The following TUSC3 variants were observed in gnomAD, a reference collection of about 807,000 sequenced individuals.
TUSC3 encodes dolichyl-diphosphooligosaccharide--protein glycosyltransferase subunit TUSC3.
In TUSC3, 45 loss-of-function variants were observed where a neutral mutation model predicts 44.8. The observed-to-expected ratio is 1.00, with a 90% CI of 0.79 to 1.29. The LOEUF (loss-of-function observed/expected upper bound fraction) is 1.29. Among genes scored for constraint, TUSC3 ranks in the 50% most tolerant of loss-of-function variants. The pLI is 0.00. For synonymous variants in TUSC3, 212 were observed against 152.9 expected (o/e 1.39, Z -2.85); for missense variants, 519 against 437.9 (o/e 1.19, Z -1.65).
At chr8:15,459,359 G>A (rs546548788) in intron 1 of TUSC3, among the ~76,000 whole-genome samples, 3 of 151,950 alleles carry the variant, frequency 2.0e-5, no homozygotes, top group Non-Finnish European at 4.4e-5. Context: ...GCTTAACTGT[G>A]ATTTGAAGAA....
intron 2 of TUSC3, among the ~76,000 whole-genome samples, chr8:15,504,055 G>A (rs998798441): frequency 4.0e-5 from 6 of 151,058 alleles, no homozygotes; most frequent in Admixed American, 1.3e-4. Context: ...AGAACACACC[G>A]TTTATTTATC....
At chr8:15,656,301 C>T (rs1807161701) in intron 3 of TUSC3, among the ~76,000 whole-genome samples, 1 of 152,082 alleles carries the variant, frequency 6.6e-6, no homozygotes. Context: ...AGATGAGACT[C>T]AGGACATGAT....
intron 6 of TUSC3, among the ~76,000 whole-genome samples, chr8:15,706,754 A>T (rs555163269): frequency 2.0e-5 from 3 of 152,046 alleles, no homozygotes; most frequent in African/African-American, 7.2e-5. Flanking sequence ...TGATTGTGCA[A>T]ATATGATCAC....
intron 1 of TUSC3, among the ~76,000 whole-genome samples, chr8:15,548,621 A>C (rs994162591): frequency 1.3e-5 from 2 of 151,856 alleles, no homozygotes; most frequent in African/African-American, 4.8e-5. Flanking sequence ...TTGCTCTCTC[A>C]ACTCCTTGCT....
chr8:15,742,882 A>T (rs964077459), intron 7 of TUSC3, among the ~76,000 whole-genome samples: 1 of 152,248 alleles, frequency 6.6e-6, no homozygotes, highest in Non-Finnish European at 1.5e-5. Flanking sequence ...TAATTCTGGC[A>T]TTATTCAACA....
intron 6 of TUSC3, among the ~76,000 whole-genome samples, chr8:15,675,937 T>G (rs541139143): frequency 6.6e-6 from 1 of 152,280 alleles, no homozygotes; most frequent in East Asian, 1.9e-4. Flanking sequence ...TTTATTTTCC[T>G]TTGGGTATAT....
intron 1 of TUSC3, among the ~76,000 whole-genome samples, chr8:15,438,062 G>T (rs748984587): frequency 6.6e-6 from 1 of 152,158 alleles, no homozygotes; most frequent in East Asian, 1.9e-4. Flanking sequence ...GTGAAATGAG[G>T]TTGTTGTGTT....
chr8:15,436,666 T>A (rs1343928904), intron 1 of TUSC3, among the ~76,000 whole-genome samples: 1 of 151,826 alleles, frequency 6.6e-6, no homozygotes, highest in African/African-American at 2.4e-5. Context: ...GAACAATAAG[T>A]AATTACCTGC....
Position 15,540,320 on chromosome 8 carries a change from C to G in TUSC3, c.-111C>G, listed in dbSNP as rs1479784219. The G allele has an allele frequency of 5.2e-6, 7 of 1,351,078 alleles. No individual in the cohort carries two copies. The highest frequency in any genetic ancestry group is 6.7e-6 in the Non-Finnish European group (7 of 1,049,706). The allele number at this position is 1,351,078 out of a possible 1,614,324, so 83.7% of individuals were successfully genotyped here. On this transcript the variant is annotated 5_prime_UTR_variant, in exon 1 of 11. In the 5' UTR this introduces an upstream ATG that the reference lacks. Coordinates refer to ENST00000503731, the MANE Select transcript of TUSC3 (RefSeq NM_006765.4). ...GGGTCCCTCGCAAAGCCGCTGCCAT[C>G]CCGGAGGGCCCAGCCAGCGGGCTCC...
intron 1 of TUSC3, among the ~76,000 whole-genome samples, chr8:15,442,933 C>A (rs893298973): frequency 5.3e-5 from 8 of 152,084 alleles, no homozygotes; most frequent in African/African-American, 1.9e-4. Flanking sequence ...TATCTAACTC[C>A]TCAATCTGCC....
intron 1 of TUSC3, among the ~76,000 whole-genome samples, chr8:15,620,002 C>T (rs1483694256): frequency 2.0e-5 from 3 of 152,190 alleles, no homozygotes; most frequent in Admixed American, 1.3e-4. Context: ...GTGGAGGTTG[C>T]GATTTGCTGA....
chr8:15,426,349 G>T (rs1725848767), intron 1 of TUSC3, among the ~76,000 whole-genome samples: 2 of 152,256 alleles, frequency 1.3e-5, no homozygotes, highest in Middle Eastern at 3.4e-3. Context: ...CTGATTTCTA[G>T]AACTTATTCA....
At chr8:15,723,095 T>C (rs1810364769) in intron 6 of TUSC3, among the ~76,000 whole-genome samples, 1 of 152,138 alleles carries the variant, frequency 6.6e-6, no homozygotes, top group African/African-American at 2.4e-5. Context: ...GCACACACTA[T>C]TTTGAAATTC....
At chr8:15,835,465 G>C in the TUSC3 span, among the ~76,000 whole-genome samples, 1 of 151,722 alleles carries the variant, frequency 6.6e-6, no homozygotes, top group Admixed American at 6.6e-5. Flanking sequence ...TTATTTGCTA[G>C]TTTGGTTTTT....
In TUSC3 at chr8:15,640,650, T is replaced by A. The variant is rs979350834; in HGVS notation, c.309-10047T>A. 2.6e-5 allele frequency among the ~76,000 whole-genome samples: 4 copies of A among 152,198 alleles called. No individual in the cohort carries two copies. In the East Asian group the frequency reaches 5.8e-4, roughly 22 times the overall value. ...AAAGAAACCTCATTTTATAAATTTG[T>A]GGCTTTTTGTCGTGGAACTGGATAC... is the stretch of plus-strand genomic sequence containing the variant. On this transcript the variant is annotated intron_variant, in intron 2 of 10. Coordinates refer to ENST00000503731, the MANE Select transcript of TUSC3 (RefSeq NM_006765.4).
At chr8:15,717,574 AT>A (rs1810105540) in intron 6 of TUSC3, among the ~76,000 whole-genome samples, 1 of 152,064 alleles carries the variant, frequency 6.6e-6, no homozygotes, top group South Asian at 2.1e-4. Context: ...CTGTTGCAGT[AT>A]TACGTACTTA....
intron 1 of TUSC3, among the ~76,000 whole-genome samples, chr8:15,566,426 T>C (rs1802674601): frequency 1.3e-5 from 2 of 152,122 alleles, no homozygotes; most frequent in South Asian, 4.1e-4. Flanking sequence ...TGTGCTATTG[T>C]TACCATTTTA....
At chr8:15,753,586 A>C (rs1811798404) in intron 9 of TUSC3, among the ~76,000 whole-genome samples, 1 of 152,068 alleles carries the variant, frequency 6.6e-6, no homozygotes, top group Non-Finnish European at 1.5e-5. Flanking sequence ...ATATGTGCTA[A>C]AGTTAACTTA....
chr8:15,677,443 G>C (rs1461212539), intron 6 of TUSC3, among the ~76,000 whole-genome samples: 1 of 152,162 alleles, frequency 6.6e-6, no homozygotes, highest in Non-Finnish European at 1.5e-5. Flanking sequence ...AAGTGTGCAG[G>C]CAAAGAGAAA....
Sources: gnomAD v4.1 joint callset for allele counts (sites outside exome capture counted in the v4.1 genomes callset) on GRCh38, gnomAD v4.1.1 for gene constraint, MANE v1.5 for transcripts, NCBI Gene and HGNC (gene_info 2026-07-23, HGNC 2026-07-21) for gene names.